The following PRKN variants were observed in gnomAD, a reference collection of about 807,000 sequenced individuals.
PRKN encodes E3 ubiquitin-protein ligase parkin.
A neutral mutation model predicts 59.5 loss-of-function variants in PRKN; 56 were observed. That is an observed-to-expected ratio of 0.94 (90% confidence interval 0.76 to 1.18). The LOEUF (loss-of-function observed/expected upper bound fraction) is 1.18, where lower values mean the gene tolerates loss of function less well. PRKN is among the 50% of genes most tolerant of loss of function. The pLI is 0.00. For synonymous variants in PRKN, 250 were observed against 222.1 expected (o/e 1.13, Z -1.12); for missense variants, 657 against 596.4 (o/e 1.10, Z -1.06).
intron 4 of PRKN, among the ~76,000 whole-genome samples, chr6:162,055,552 G>A (rs753935813): frequency 2.0e-5 from 3 of 152,152 alleles, no homozygotes; most frequent in Non-Finnish European, 1.5e-5. Context: ...GAGGGGCGGA[G>A]TAAGAGGTGG....
At position 162,229,392 on chromosome 6, in the gene PRKN, C is replaced by G. The variant is rs564171991; in HGVS notation, c.413-28140G>C. Reference sequence around the variant, plus strand: ...CCAGAATGAGACCACCTCTCACCACCTTCAGAATGACACAAGCGTCACCCA... The same window carrying G: ...CCAGAATGAGACCACCTCTCACCACGTTCAGAATGACACAAGCGTCACCCA... On this transcript the variant is annotated intron_variant, in intron 3 of 11. Coordinates refer to ENST00000366898, the MANE Select transcript of PRKN (RefSeq NM_004562.3). Among the ~76,000 whole-genome samples the G allele has an allele frequency of 2.1e-3, 321 of 152,316 alleles. 1 individual carries two copies. Among genetic ancestry groups the G allele is most frequent in the African/African-American group, 7.4e-3 (308 of 41,570 alleles).
chr6:161,791,067 C>T (rs769337453), intron 6 of PRKN, among the ~76,000 whole-genome samples: 35 of 152,130 alleles, frequency 2.3e-4, no homozygotes, highest in Non-Finnish European at 2.9e-4. Context: ...TAATTATCTA[C>T]ATATAAATGT....
At position 162,076,319 on chromosome 6, in the gene PRKN, G is replaced by T. The variant is rs1408935469; in HGVS notation, c.535-22145C>A. Among the ~76,000 whole-genome samples the T allele has an allele frequency of 2.6e-5, 4 of 152,084 alleles. 1 individual carries two copies. Among genetic ancestry groups the T allele is most frequent in the African/African-American group, 9.7e-5 (4 of 41,368 alleles). Reference sequence around the variant, plus strand: ...AAAACCAAATAAGATTTGGCCAAAAGAAGAGTCACTTTGTCCTTGGACAAG... The same window carrying T: ...AAAACCAAATAAGATTTGGCCAAAATAAGAGTCACTTTGTCCTTGGACAAG... On this transcript the variant is annotated intron_variant, in intron 4 of 11. Coordinates refer to ENST00000366898, the MANE Select transcript of PRKN (RefSeq NM_004562.3).
chr6:162,388,257 C>T (rs1786958996), intron 2 of PRKN, among the ~76,000 whole-genome samples: 1 of 152,224 alleles, frequency 6.6e-6, no homozygotes, highest in East Asian at 1.9e-4. Context: ...GAGACAGACA[C>T]CCTTCCTCTC....
Position 161,457,032 on chromosome 6 carries a change from T to G in PRKN, c.1084-70155A>C, listed in dbSNP as rs942854227. On this transcript the variant is annotated intron_variant, in intron 9 of 11. Transcript: ENST00000366898. The surrounding 1 kb of genome is among the most constrained non-coding windows in gnomAD (Gnocchi z 5.0). Reference sequence around the variant, plus strand: ...TGGGTTTGGGCGTGGAAGGGCGGTGTGAGAGCAAGGCTGAATAGTCCAACT... The same window carrying G: ...TGGGTTTGGGCGTGGAAGGGCGGTGGGAGAGCAAGGCTGAATAGTCCAACT... Among the ~76,000 whole-genome samples, 3 of 152,150 alleles carry G rather than the reference T, an allele frequency of 2.0e-5. No individual in the cohort carries two copies. The highest frequency in any genetic ancestry group is 4.4e-5 in the Non-Finnish European group (3 of 68,028).
At chr6:161,431,936 T>C (rs4455643) in intron 9 of PRKN, among the ~76,000 whole-genome samples, 40,191 of 152,234 alleles carry the variant, frequency 0.26, 6,843 homozygotes, top group East Asian at 0.76. Flanking sequence ...TATCTATAGC[T>C]ATATCTACGT....
chr6:162,370,074 A>G (rs1320549610), intron 2 of PRKN, among the ~76,000 whole-genome samples: 1 of 152,176 alleles, frequency 6.6e-6, no homozygotes, highest in Admixed American at 6.5e-5. Flanking sequence ...GGTTTTCTCT[A>G]TGAAGAAAGC....
intron 4 of PRKN, among the ~76,000 whole-genome samples, chr6:162,064,646 T>C (rs577325258): frequency 3.9e-5 from 6 of 152,344 alleles, no homozygotes; most frequent in African/African-American, 1.4e-4. Context: ...TAGATAAATG[T>C]TTTACCTAAA....
In PRKN at chr6:161,451,915, TTTTTTCTTTTTTCTTTTCTTTTC is replaced by T. The variant is rs1422272600; in HGVS notation, c.1084-65061_1084-65039del. Among the ~76,000 whole-genome samples the T allele has an allele frequency of 6.6e-6, 1 of 152,110 alleles. No homozygotes were observed. The highest frequency in any genetic ancestry group is 1.5e-5 in the Non-Finnish European group (1 of 68,014). ...ACATTTATAAATTTAAGACATTCTT[TTTTTTCTTTTTTCTTTTCTTTTC>T]TTTTACTTTTTTCTTTTCTTTTCTT... On this transcript the variant is annotated intron_variant, in intron 9 of 11. Transcript: ENST00000366898. The surrounding 1 kb of genome is among the most constrained non-coding windows in gnomAD (Gnocchi z 5.9).
intron 1 of PRKN, among the ~76,000 whole-genome samples, chr6:162,500,669 C>G (rs1306509587): frequency 6.6e-6 from 1 of 152,106 alleles, no homozygotes; most frequent in African/African-American, 2.4e-5. Flanking sequence ...ACACAAAGAA[C>G]TAAATAAGGC....
intron 6 of PRKN, among the ~76,000 whole-genome samples, chr6:161,865,822 G>T (rs1794089921): frequency 6.6e-6 from 1 of 152,172 alleles, no homozygotes; most frequent in Non-Finnish European, 1.5e-5. Flanking sequence ...ACATTCACGT[G>T]TTCACTGGAG....
At chr6:161,785,965 C>A (rs747151732) in intron 6 of PRKN, 57 bp from the exon 7 acceptor site, 4 of 1,587,804 alleles carry the variant, frequency 2.5e-6, no homozygotes, top group Non-Finnish European at 3.4e-6. Context: ...AAAGGCAGCA[C>A]GTGCTTTAGA....
rs567788291 is a variant in PRKN, at chr6:162,241,372, A to T, written c.412+21153T>A. Among the ~76,000 whole-genome samples, 196 of 152,204 alleles carry T rather than the reference A, an allele frequency of 1.3e-3. 1 individual carries two copies. The highest frequency in any genetic ancestry group is 4.2e-3 in the African/African-American group (176 of 41,570). ...GCATCTAGATATTCATTACTTTATT[A>T]AAAAAGACATAGAATTGGCATAATA... On this transcript the variant is annotated intron_variant, in intron 3 of 11. Transcript: ENST00000366898.
intron 7 of PRKN, among the ~76,000 whole-genome samples, chr6:161,751,467 T>C (rs983183794): frequency 3.3e-5 from 5 of 152,246 alleles, no homozygotes; most frequent in African/African-American, 1.2e-4. Flanking sequence ...ATTACACATT[T>C]ATGATTACCT....
chr6:162,112,369 T>A (rs1780477062), intron 4 of PRKN, among the ~76,000 whole-genome samples: 1 of 152,184 alleles, frequency 6.6e-6, no homozygotes, highest in Non-Finnish European at 1.5e-5. Context: ...CTAGGACTTT[T>A]TTTACACAGA....
intron 6 of PRKN, among the ~76,000 whole-genome samples, chr6:161,893,249 G>C (rs1014522626): frequency 6.6e-6 from 1 of 152,190 alleles, no homozygotes; most frequent in Non-Finnish European, 1.5e-5. Context: ...CAAAGGTATA[G>C]ATAATCCCAG....
chr6:162,094,545 G>A (rs907670807), intron 4 of PRKN, among the ~76,000 whole-genome samples: 3 of 152,084 alleles, frequency 2.0e-5, no homozygotes, highest in Non-Finnish European at 4.4e-5. Flanking sequence ...GGAAAGGCAA[G>A]GCTATGTTGG....
At chr6:162,555,613 G>A (rs931035810) in intron 1 of PRKN, among the ~76,000 whole-genome samples, 1 of 146,816 alleles carries the variant, frequency 6.8e-6, no homozygotes, top group Admixed American at 7.0e-5. Context: ...TGATGTCAGC[G>A]TTACACTGTG....
intron 7 of PRKN, among the ~76,000 whole-genome samples, chr6:161,723,447 T>C (rs377745328): frequency 6.6e-6 from 1 of 152,134 alleles, no homozygotes; most frequent in Non-Finnish European, 1.5e-5. Context: ...TTGGAAAGCA[T>C]TGGTGTGGGA....
Sources: gnomAD v4.1 joint callset for allele counts (sites outside exome capture counted in the v4.1 genomes callset) on GRCh38, gnomAD v4.1.1 for gene constraint, Gnocchi (gnomAD v3.1) non-coding constraint, MANE v1.5 for transcripts, NCBI Gene and HGNC (gene_info 2026-07-23, HGNC 2026-07-21) for gene names.